Variants in NRXN1 observed in about 807,000 individuals in gnomAD.
NRXN1 encodes neurexin-1.
Under a neutral mutation model 150.9 loss-of-function variants are expected in NRXN1, and 39 were observed. The ratio of observed to expected loss-of-function variants is 0.26; its 90% confidence interval spans 0.20 to 0.34. NRXN1 has a LOEUF of 0.34. Among genes scored for constraint, NRXN1 ranks in the 10% least tolerant of loss-of-function variants. NRXN1 has a pLI of 1.00. For synonymous variants in NRXN1, 924 were observed against 757.0 expected, an observed-to-expected ratio of 1.22 and a Z score of -3.62; for missense variants, 1,815 against 1,949.9, an observed-to-expected ratio of 0.93 and a Z score of 1.30.
chr2:50,139,043 T>C (rs12713088), intron 18 of NRXN1, among the ~76,000 whole-genome samples: 109,147 of 152,154 alleles, frequency 0.72, 40,000 homozygotes, highest in African/African-American at 0.86. Context: ...TTACTGCATG[T>C]GGACGGGCAA....
At chr2:50,497,849 A>G (rs2091729141) in intron 13 of NRXN1, 135 bp from the exon 14 acceptor site, 3 of 715,994 alleles carry the variant, frequency 4.2e-6, no homozygotes, top group Admixed American at 5.9e-5. Flanking sequence ...TATAGGAAGA[A>G]CACTTAAATG....
At chr2:50,521,897 T>G (rs2092798971) in intron 12 of NRXN1, among the ~76,000 whole-genome samples, 1 of 152,110 alleles carries the variant, frequency 6.6e-6, no homozygotes, top group Non-Finnish European at 1.5e-5. Context: ...GTGAGTAGCT[T>G]ATGGGGCGAC....
rs1695980935 is a variant in NRXN1, at chr2:50,069,945, A to G, written c.3719-14901T>C. Among the ~76,000 whole-genome samples the G allele has an allele frequency of 2.0e-5, 3 of 148,620 alleles. No individual in the cohort carries two copies. The South Asian group carries it at 6.4e-4, about 32-fold the overall frequency. ...GGCTCACTGCAAGCTCCACCTCCCG[A>G]GTTCATGCCATTCTCCTGCCTCAGC... On this transcript the variant is annotated intron_variant, in intron 19 of 22. Coordinates refer to ENST00000401669, the MANE Select transcript of NRXN1 (RefSeq NM_001330078.2).
chr2:50,874,008 G>A (rs1313322067), intron 5 of NRXN1, among the ~76,000 whole-genome samples: 1 of 151,846 alleles, frequency 6.6e-6, no homozygotes, highest in Non-Finnish European at 1.5e-5. Context: ...CTGCCCAAGG[G>A]CAACCAATTT....
chr2:50,807,265 T>C (rs1461814276), intron 5 of NRXN1, among the ~76,000 whole-genome samples: 1 of 152,136 alleles, frequency 6.6e-6, no homozygotes, highest in African/African-American at 2.4e-5. Context: ...TTCATAATTA[T>C]GACCAGGGAC....
chr2:50,499,806 G>A (rs925632039), intron 13 of NRXN1, among the ~76,000 whole-genome samples: 1 of 151,944 alleles, frequency 6.6e-6, no homozygotes, highest in Admixed American at 6.6e-5. Context: ...AAATTAACTG[G>A]GCGTGGTGGT....
At chr2:50,890,890 A>C (rs1680942806) in intron 5 of NRXN1, among the ~76,000 whole-genome samples, 1 of 151,994 alleles carries the variant, frequency 6.6e-6, no homozygotes, top group African/African-American at 2.4e-5. Flanking sequence ...TTTCAGTAAT[A>C]TCATTATTCT....
chr2:50,919,260 A>G (rs1200701233), intron 5 of NRXN1: 1 of 151,784 alleles, frequency 6.6e-6, no homozygotes, highest in East Asian at 1.9e-4. Flanking sequence ...AGAAGGATCA[A>G]CATCAACTCT....
chr2:50,020,713 T>C (rs1223998437), intron 21 of NRXN1, among the ~76,000 whole-genome samples: 1 of 152,196 alleles, frequency 6.6e-6, no homozygotes, highest in African/African-American at 2.4e-5. Flanking sequence ...CTGTGTTGGC[T>C]TCCCAGTTAA....
chr2:50,403,332 T>C (rs1056026565), intron 17 of NRXN1, among the ~76,000 whole-genome samples: 5 of 152,156 alleles, frequency 3.3e-5, no homozygotes, highest in Admixed American at 6.6e-5. Flanking sequence ...ACCAGCAGCA[T>C]CTGCATCACC....
chr2:50,646,706 G>A (rs1358355497), intron 5 of NRXN1, among the ~76,000 whole-genome samples: 1 of 112,832 alleles, frequency 8.9e-6, no homozygotes, highest in Non-Finnish European at 1.8e-5. Context: ...CTTTCATGTT[G>A]TCTTTTTTTT....
rs754646321 is a variant in NRXN1 at position 50,472,825 on chromosome 2, GTGTGTATATA to G, written c.3071-364_3071-355del. Among the ~76,000 whole-genome samples, 117 of 78,568 alleles carry G rather than the reference GTGTGTATATA, an allele frequency of 1.5e-3. 1 individual carries two copies. Among genetic ancestry groups the G allele is most frequent in the South Asian group, 6.7e-3 (12 of 1,778 alleles). The allele number at this position is 78,568 out of a possible 152,430, so 51.5% of individuals were successfully genotyped here. On this transcript the variant is annotated intron_variant, in intron 15 of 22. Coordinates refer to ENST00000401669, the MANE Select transcript of NRXN1 (RefSeq NM_001330078.2). ...TGTGTGTGTGTGTGTGTGTGTGTGT[GTGTGTATATA>G]TATATATAAGTTTCTCTGATTATTA... is the stretch of plus-strand genomic sequence containing the variant.
At chr2:50,727,321 ACAGT>A (rs1487322541) in intron 5 of NRXN1, among the ~76,000 whole-genome samples, 1 of 152,332 alleles carries the variant, frequency 6.6e-6, no homozygotes, top group East Asian at 1.9e-4. Flanking sequence ...TTGTGAAGAC[ACAGT>A]CAATGTGTTA....
At chr2:50,872,860 T>C (rs1677996013) in intron 5 of NRXN1, among the ~76,000 whole-genome samples, 1 of 151,700 alleles carries the variant, frequency 6.6e-6, no homozygotes, top group Non-Finnish European at 1.5e-5. Flanking sequence ...CCTAGCTACA[T>C]GTAGTGAAGA....
intron 9 of NRXN1, among the ~76,000 whole-genome samples, chr2:50,551,745 C>G (rs1667575642): frequency 6.6e-6 from 1 of 152,086 alleles, no homozygotes; most frequent in African/African-American, 2.4e-5. Context: ...AGATTTCTCT[C>G]TCCTTATCTC....
Position 50,969,760 on chromosome 2 carries a change from G to A in NRXN1, c.773-43805C>T, listed in dbSNP as rs563755570. On this transcript the variant is annotated intron_variant, in intron 2 of 22. Coordinates refer to ENST00000401669, the MANE Select transcript of NRXN1 (RefSeq NM_001330078.2). ...TGGTTTTAGGGCAAAGTACTGTAGA[G>A]GCCAAGGAGAACCTCAGAAGGTTTG... is the stretch of plus-strand genomic sequence containing the variant. Among the ~76,000 whole-genome samples, 11 of 152,196 alleles carry A rather than the reference G, an allele frequency of 7.2e-5. No individual in the cohort carries two copies. In the South Asian group the frequency reaches 2.3e-3, roughly 32 times the overall value.
intron 19 of NRXN1, among the ~76,000 whole-genome samples, chr2:50,083,415 C>G (rs1470858463): frequency 6.6e-6 from 1 of 152,162 alleles, no homozygotes; most frequent in Non-Finnish European, 1.5e-5. Flanking sequence ...TAAAAAAATG[C>G]TAACATGGTT....
intron 17 of NRXN1, among the ~76,000 whole-genome samples, chr2:50,401,535 C>T (rs1049213852): frequency 3.9e-5 from 6 of 151,956 alleles, no homozygotes; most frequent in Non-Finnish European, 5.9e-5. Flanking sequence ...TGATTCCCTT[C>T]CAAAGTATGA....
intron 18 of NRXN1, among the ~76,000 whole-genome samples, chr2:50,149,652 C>T (rs1201023128): frequency 6.6e-6 from 1 of 151,666 alleles, no homozygotes; most frequent in African/African-American, 2.4e-5. Flanking sequence ...AGCTTTTACA[C>T]TAAACTGTGA....
Sources: gnomAD v4.1 joint callset for allele counts (sites outside exome capture counted in the v4.1 genomes callset) on GRCh38, gnomAD v4.1.1 for gene constraint, MANE v1.5 for transcripts, NCBI Gene and HGNC (gene_info 2026-07-23, HGNC 2026-07-21) for gene names.